The following ANK3 variants were observed in gnomAD, a reference collection of about 807,000 sequenced individuals.
The protein encoded by ANK3 is ankyrin-3.
ANK3 carries 57 observed loss-of-function variants against 370.9 expected under a neutral mutation model. That is an observed-to-expected ratio of 0.15 (90% CI 0.12 to 0.19). The LOEUF (loss-of-function observed/expected upper bound fraction) is 0.19, where lower values mean the gene tolerates loss of function less well. Ranked by LOEUF, ANK3 falls within the 10% of genes least tolerant of loss-of-function variation. The pLI is 1.00. For synonymous variants in ANK3, 1,929 were observed against 1,946.3 expected (o/e 0.99, Z 0.23); for missense variants, 4,439 against 5,302.1 (o/e 0.84, Z 5.06).
chr10:60,422,849 T>G (rs936576758), intron 2 of ANK3, among the ~76,000 whole-genome samples: 3 of 152,044 alleles, frequency 2.0e-5, no homozygotes, highest in Non-Finnish European at 4.4e-5. Context: ...TTTTCAGTAG[T>G]TTTAAAACGT....
intron 25 of ANK3, among the ~76,000 whole-genome samples, chr10:60,129,760 CACACACACAA>C (rs1030689412): frequency 6.6e-6 from 1 of 151,956 alleles, no homozygotes; most frequent in Non-Finnish European, 1.5e-5. Flanking sequence ...CACACACACA[CACACACACAA>C]ACACACACCC....
intron 2 of ANK3, among the ~76,000 whole-genome samples, chr10:60,405,152 T>C (rs2063427159): frequency 6.6e-6 from 1 of 152,116 alleles, no homozygotes; most frequent in Non-Finnish European, 1.5e-5. Flanking sequence ...ACCTACCCTA[T>C]AACCTAGCAA....
At chr10:60,541,593 T>C (rs2076850620) in intron 2 of ANK3, among the ~76,000 whole-genome samples, 1 of 151,876 alleles carries the variant, frequency 6.6e-6, no homozygotes, top group South Asian at 2.1e-4. Context: ...ATAACCCCCA[T>C]ACCACCACAG....
intron 28 of ANK3, among the ~76,000 whole-genome samples, chr10:60,095,149 T>G (rs1032262295): frequency 1.3e-5 from 2 of 152,222 alleles, no homozygotes; most frequent in Admixed American, 6.5e-5. Flanking sequence ...GTTTTAAAAA[T>G]TAGGTGTTCT....
chr10:60,295,658 C>G lies in ANK3; in HGVS notation c.115-16019G>C, dbSNP rs149174943. Among the ~76,000 whole-genome samples, 39 of 152,058 alleles carry G rather than the reference C, an allele frequency of 2.6e-4. 1 individual carries two copies. In the East Asian group the frequency reaches 6.4e-3, roughly 25 times the overall value. The stretch of plus-strand genomic sequence containing the variant: ...GTTCTCAAACTTATTACTCAAGGTA[C>G]CTTTATACTCCTAACTATTATTGAG... On this transcript the variant is annotated intron_variant, in intron 1 of 43. Transcript: ENST00000280772.
At chr10:60,629,962 A>G (rs2078460546) in intron 1 of ANK3, among the ~76,000 whole-genome samples, 1 of 152,024 alleles carries the variant, frequency 6.6e-6, no homozygotes, top group African/African-American at 2.4e-5. Flanking sequence ...TTATTATTTG[A>G]TTTTACTTTA....
At chr10:60,370,876 C>A (rs760338513) in intron 1 of ANK3, among the ~76,000 whole-genome samples, 1 of 152,116 alleles carries the variant, frequency 6.6e-6, no homozygotes. Context: ...ACTTTGCAAA[C>A]ATACTGTTAA....
intron 8 of ANK3, among the ~76,000 whole-genome samples, chr10:60,221,781 T>C (rs1165955482): frequency 2.0e-5 from 3 of 152,222 alleles, no homozygotes; most frequent in Non-Finnish European, 2.9e-5. Context: ...GCAAAGTCCC[T>C]GTGCTCACAC....
At chr10:60,690,288 C>T (rs1459904571) in intron 1 of ANK3, among the ~76,000 whole-genome samples, 1 of 152,148 alleles carries the variant, frequency 6.6e-6, no homozygotes, top group Admixed American at 6.5e-5. Flanking sequence ...GGCATCACCT[C>T]ACCCGGGAAG....
intron 28 of ANK3, among the ~76,000 whole-genome samples, chr10:60,099,194 G>A (rs2090718585): frequency 6.6e-6 from 1 of 152,100 alleles, no homozygotes; most frequent in Non-Finnish European, 1.5e-5. Flanking sequence ...CCTTCTTCCA[G>A]AAAGTTTTTC....
At chr10:60,638,538 GA>G (rs894083247) in intron 1 of ANK3, among the ~76,000 whole-genome samples, 2 of 150,194 alleles carry the variant, frequency 1.3e-5, no homozygotes, top group Non-Finnish European at 3.0e-5. Flanking sequence ...CAAAGAAGCA[GA>G]AAAAAAAATC....
At chr10:60,243,464 C>T (rs746676060) in intron 7 of ANK3, among the ~76,000 whole-genome samples, 35 of 152,122 alleles carry the variant, frequency 2.3e-4, no homozygotes, top group Admixed American at 3.3e-4. Context: ...TGATGTCCTC[C>T]GCCATCTTGA....
At chr10:60,138,829 G>A (rs751984133) in intron 24 of ANK3, 135 bp downstream of exon 24, 124 of 1,165,286 alleles carry the variant, frequency 1.1e-4, no homozygotes, top group South Asian at 2.0e-4. Context: ...TATTTGCGTC[G>A]AGAACATTTC....
At chr10:60,494,516 A>C (rs1397489456) in intron 2 of ANK3, among the ~76,000 whole-genome samples, 1 of 152,194 alleles carries the variant, frequency 6.6e-6, no homozygotes, top group East Asian at 1.9e-4. Flanking sequence ...AGAATAATAA[A>C]AATCCTAAAT....
chr10:60,469,019 A>AT (rs2065084070), intron 2 of ANK3, among the ~76,000 whole-genome samples: 1 of 61,902 alleles, frequency 1.6e-5, no homozygotes. Context: ...ATATATATAT[A>AT]CCACTTTTAG....
In ANK3 at chr10:60,029,588, A is replaced by G. The variant is rs1313714921; in HGVS notation, c.*258T>C. On this transcript the variant is annotated 3_prime_UTR_variant, in exon 44 of 44. Transcript: ENST00000280772. ...TAACAGCATGGCTTCTTGTATATAC[A>G]CTGCATTGCTAATTGCACACGCGCC... The G allele has an allele frequency of 6.6e-6, 1 of 152,614 alleles. No individual in the cohort carries two copies. Among genetic ancestry groups the G allele is most frequent in the African/African-American group, 2.4e-5 (1 of 41,458 alleles). 9.5% of individuals were successfully genotyped at this position (152,614 alleles called of 1,614,324 possible).
chr10:60,283,117 C>T (rs2098190096), intron 1 of ANK3, among the ~76,000 whole-genome samples: 1 of 152,164 alleles, frequency 6.6e-6, no homozygotes, highest in Admixed American at 6.5e-5. Flanking sequence ...CAGCTTCTTA[C>T]TCTCTCTCCT....
At chr10:60,121,708 T>G (rs1261333250) in intron 25 of ANK3, among the ~76,000 whole-genome samples, 4 of 145,202 alleles carry the variant, frequency 2.8e-5, no homozygotes, top group African/African-American at 1.0e-4. Flanking sequence ...AAAAAAAAAG[T>G]ATAAGACCCT....
intron 2 of ANK3, among the ~76,000 whole-genome samples, chr10:60,550,205 T>G (rs995160377): frequency 6.6e-6 from 1 of 151,768 alleles, no homozygotes; most frequent in Non-Finnish European, 1.5e-5. Context: ...TAAGTATATA[T>G]TTTAATATAT....
Sources: gnomAD v4.1 joint callset for allele counts (sites outside exome capture counted in the v4.1 genomes callset) on GRCh38, gnomAD v4.1.1 for gene constraint, MANE v1.5 for transcripts, NCBI Gene and HGNC (gene_info 2026-07-23, HGNC 2026-07-21) for gene names.